TTC27: variants seen among roughly 807,000 people sequenced by gnomAD.
The protein encoded by TTC27 is tetratricopeptide repeat domain 27.
TTC27 carries 79 observed loss-of-function variants against 115.9 expected under a neutral mutation model. The ratio of observed to expected loss-of-function variants is 0.68; its 90% CI spans 0.57 to 0.82. TTC27 has a LOEUF of 0.82. Among genes scored for constraint, TTC27 ranks in the 40% least tolerant of loss-of-function variants. TTC27 has a pLI of 0.00. For missense variants in TTC27, 1,054 were observed against 993.1 expected (o/e 1.06, Z -0.82); for synonymous variants, 401 against 356.0 (o/e 1.13, Z -1.42).
chr2:32,705,289 G>A (rs1667328701), intron 10 of TTC27, among the ~76,000 whole-genome samples: 1 of 152,070 alleles, frequency 6.6e-6, no homozygotes, highest in South Asian at 2.1e-4. Flanking sequence ...AGTAGCTGAG[G>A]TACATGCTTG....
chr2:32,642,309 T>C (rs1204830529), intron 4 of TTC27, among the ~76,000 whole-genome samples: 1 of 141,060 alleles, frequency 7.1e-6, no homozygotes, highest in East Asian at 2.2e-4. Context: ...TGGAGTATAG[T>C]AGTGTGATCT....
chr2:32,741,221 G>C (rs190659185), intron 12 of TTC27, among the ~76,000 whole-genome samples: 2 of 152,294 alleles, frequency 1.3e-5, no homozygotes, highest in Non-Finnish European at 2.9e-5. Flanking sequence ...AGCCTTCCCA[G>C]ATACTTTCCT....
At chr2:32,631,469 T>C (rs1036750771) in intron 2 of TTC27, among the ~76,000 whole-genome samples, 3 of 152,220 alleles carry the variant, frequency 2.0e-5, no homozygotes, top group Non-Finnish European at 2.9e-5. Flanking sequence ...CCATTAAAGT[T>C]TGTGTAATTT....
At chr2:32,752,009 A>G (rs1379686168) in intron 12 of TTC27, among the ~76,000 whole-genome samples, 5 of 152,202 alleles carry the variant, frequency 3.3e-5, no homozygotes, top group Admixed American at 3.3e-4. Context: ...GTCAGTCACT[A>G]CTTAAGATCC....
chr2:32,813,951 C>T (rs1346510152), intron 18 of TTC27, among the ~76,000 whole-genome samples: 1 of 152,142 alleles, frequency 6.6e-6, no homozygotes, highest in Non-Finnish European at 1.5e-5. Flanking sequence ...CATGTGGCTT[C>T]TACTGACCTC....
chr2:32,720,140 A>T (rs903608565), intron 10 of TTC27, among the ~76,000 whole-genome samples: 1 of 152,064 alleles, frequency 6.6e-6, no homozygotes, highest in African/African-American at 2.4e-5. Context: ...TTCATTGAAA[A>T]ATCAGCTGAC....
At chr2:32,813,437 C>T (rs572698783) in intron 18 of TTC27, among the ~76,000 whole-genome samples, 1 of 152,352 alleles carries the variant, frequency 6.6e-6, no homozygotes, top group South Asian at 2.1e-4. Context: ...AGCTCTATCA[C>T]ATGCTTGCTA....
At chr2:32,723,670 T>A (rs80143832) in intron 10 of TTC27, among the ~76,000 whole-genome samples, 1 of 149,128 alleles carries the variant, frequency 6.7e-6, no homozygotes, top group African/African-American at 2.5e-5. Flanking sequence ...AAGTAGTAGC[T>A]AATTATTGTT....
intron 12 of TTC27, among the ~76,000 whole-genome samples, chr2:32,747,749 G>A (rs1558322661): frequency 6.6e-6 from 1 of 152,146 alleles, no homozygotes; most frequent in Non-Finnish European, 1.5e-5. Context: ...TAACCAAGCA[G>A]ATTCTTTGAG....
chr2:32,702,169 C>T (rs1246465094), intron 9 of TTC27, among the ~76,000 whole-genome samples: 1 of 152,004 alleles, frequency 6.6e-6, no homozygotes, highest in Non-Finnish European at 1.5e-5. Context: ...AAGATGTTTT[C>T]CAAACCTGAC....
Position 32,811,233 on chromosome 2 carries a change from A to G in TTC27, c.2196+12A>G, listed in dbSNP as rs780485809. 2 of 1,609,504 alleles carry G rather than the reference A, an allele frequency of 1.2e-6. No homozygotes were observed. Among genetic ancestry groups the G allele is most frequent in the East Asian group, 4.5e-5 (2 of 44,810 alleles). ...ATGAAAATGAAAAGGCAAGTCCTTC[A>G]TTCCTCCTGAGTCCTTGCCTTTCGT... On this transcript the variant is annotated intron_variant, in intron 17 of 19. Coordinates refer to ENST00000317907, the MANE Select transcript of TTC27 (RefSeq NM_017735.5).
chr2:32,735,151 A>C (rs1187171546), intron 11 of TTC27, among the ~76,000 whole-genome samples: 1 of 152,216 alleles, frequency 6.6e-6, no homozygotes, highest in East Asian at 1.9e-4. Context: ...TATATTCTTA[A>C]ACACAGGGTG....
chr2:32,628,230 C>A lies in TTC27; in HGVS notation c.-63C>A, dbSNP rs1444604471. ...CTTTGGACTCTCCTGTTTTCACTTT[C>A]TTTTGTTGACTCCCGTGTGGCCCTC... On this transcript the variant is annotated 5_prime_UTR_variant, in exon 1 of 20. Coordinates refer to ENST00000317907, the MANE Select transcript of TTC27 (RefSeq NM_017735.5). The A allele has an allele frequency of 1.6e-5, 24 of 1,504,664 alleles. No individual in the cohort carries two copies. Among genetic ancestry groups the A allele is most frequent in the Non-Finnish European group, 2.1e-5 (23 of 1,099,010 alleles). 93.2% of individuals were successfully genotyped at this position (1,504,664 alleles called of 1,614,324 possible).
At chr2:32,768,843 G>T (rs1386638974) in intron 13 of TTC27, among the ~76,000 whole-genome samples, 3 of 152,186 alleles carry the variant, frequency 2.0e-5, no homozygotes, top group African/African-American at 4.8e-5. Context: ...GAGGAGGCCA[G>T]TTTTCTCAAT....
At chr2:32,784,101 G>C (rs978040871) in intron 15 of TTC27, among the ~76,000 whole-genome samples, 1 of 152,094 alleles carries the variant, frequency 6.6e-6, no homozygotes, top group African/African-American at 2.4e-5. Flanking sequence ...CAACAGGCTC[G>C]GAAGTCCCTG....
intron 10 of TTC27, among the ~76,000 whole-genome samples, chr2:32,721,794 G>C (rs114947323): frequency 0.011 from 1,711 of 152,102 alleles, 35 homozygotes; most frequent in African/African-American, 0.039. Context: ...ACACAACCAT[G>C]CCTGGCTAAT....
chr2:32,758,203 A>G lies in TTC27; in HGVS notation c.1453-89A>G. 3 of 1,181,146 alleles carry G rather than the reference A, an allele frequency of 2.5e-6. No individual in the cohort carries two copies. The Admixed American group carries it at 7.3e-5, about 29-fold the overall frequency. 73.2% of individuals were successfully genotyped at this position (1,181,146 alleles called of 1,614,324 possible). ...TCAAACGTTGAAAATAAAAATTTGG[A>G]TTGTGTGAGATTAAAGATGTATATG... On this transcript the variant is annotated intron_variant, in intron 12 of 19. Coordinates refer to ENST00000317907, the MANE Select transcript of TTC27 (RefSeq NM_017735.5).
chr2:32,819,749 G>T (rs1671618235), intron 19 of TTC27, among the ~76,000 whole-genome samples: 1 of 152,194 alleles, frequency 6.6e-6, no homozygotes, highest in African/African-American at 2.4e-5. Flanking sequence ...AGAGTGGCAT[G>T]AAGGGGCTGT....
intron 4 of TTC27, among the ~76,000 whole-genome samples, chr2:32,643,918 G>A (rs1174387992): frequency 2.0e-5 from 3 of 151,620 alleles, no homozygotes; most frequent in South Asian, 4.2e-4. Context: ...GGTGGTTCAC[G>A]CCTGTAATCC....
Sources: allele counts gnomAD v4.1 joint callset (sites outside exome capture counted in the v4.1 genomes callset), GRCh38; gene constraint gnomAD v4.1.1; transcripts MANE v1.5; gene names NCBI Gene and HGNC (gene_info 2026-07-23, HGNC 2026-07-21).